ORM1: variants seen among roughly 807,000 people sequenced by gnomAD.
ORM1 encodes the protein orosomucoid 1.
A neutral mutation model predicts 26.9 loss-of-function variants in ORM1; 13 were observed. That is an observed-to-expected ratio of 0.48 (90% CI 0.31 to 0.77). The LOEUF (loss-of-function observed/expected upper bound fraction) is 0.77. Ranked by LOEUF, ORM1 falls within the 30% of genes least tolerant of loss-of-function variation. The pLI is 0.04. For missense variants in ORM1, 189 were observed against 246.8 expected (o/e 0.77, Z 1.57); for synonymous variants, 76 against 102.2 (o/e 0.74, Z 1.55).
At chr9:114,325,209 C>G in intron 5 of ORM1, 57 bp downstream of exon 5, 1 of 1,495,126 alleles carries the variant, frequency 6.7e-7, no homozygotes, top group Non-Finnish European at 9.3e-7. Flanking sequence ...TTGGGCAGCC[C>G]CAGAGGCCCA....
chr9:114,323,694 C>T lies in ORM1; in HGVS notation c.146C>T (p.Ala49Val), dbSNP rs1262840764. ...ITGKWFYIASAFRNEEYNKSV... is the reference protein window; with the variant it reads ...ITGKWFYIASVFRNEEYNKSV... ...GGCAAGTGGTTTTATATCGCATCGG[C>T]CTTTCGAAACGAGGAGTACAATAAG... Residue 49 changes from alanine to valine, a missense_variant, in exon 2 of 6, where the codon GCC becomes GTC. Physicochemically the swap from Ala to Val is moderately conservative, Grantham distance 64 (BLOSUM62 0). Coordinates refer to ENST00000259396, the MANE Select transcript of ORM1 (RefSeq NM_000607.4). 2 of 1,613,918 alleles carry T rather than the reference C, an allele frequency of 1.2e-6. No individual in the cohort carries two copies. Among genetic ancestry groups the T allele is most frequent in the Non-Finnish European group, 1.7e-6 (2 of 1,179,886 alleles).
At chr9:114,325,577 C>G (rs1235730369) in intron 5 of ORM1, among the ~76,000 whole-genome samples, 1 of 152,046 alleles carries the variant, frequency 6.6e-6, no homozygotes, top group Non-Finnish European at 1.5e-5. Context: ...GCAGCACGGC[C>G]ACAGTCACCA....
chr9:114,325,821 A>T (rs1415077155), intron 5 of ORM1, among the ~76,000 whole-genome samples: 1 of 152,092 alleles, frequency 6.6e-6, no homozygotes, highest in African/African-American at 2.4e-5. Flanking sequence ...AGTGGTGTGA[A>T]CTACCTCCTG....
intron 5 of ORM1, 51 bp downstream of exon 5, chr9:114,325,203 G>A (rs1392561571): frequency 6.4e-7 from 1 of 1,557,500 alleles, no homozygotes. Flanking sequence ...CCCAACTTGG[G>A]CAGCCCCAGA....
intron 5 of ORM1, among the ~76,000 whole-genome samples, chr9:114,325,831 G>GC (rs1259456566): frequency 6.6e-6 from 1 of 151,906 alleles, no homozygotes; most frequent in Non-Finnish European, 1.5e-5. Context: ...ACTACCTCCT[G>GC]CCCCCATCTG....
At chr9:114,325,232 T>A (rs55847216) in intron 5 of ORM1, 80 bp downstream of exon 5, 2 of 1,399,806 alleles carry the variant, frequency 1.4e-6, no homozygotes, top group South Asian at 2.4e-5. Context: ...GCAGGAGAGC[T>A]GCCAGGCAAG....
chr9:114,324,483 G>C (rs1829736757), intron 3 of ORM1, among the ~76,000 whole-genome samples: 1 of 152,206 alleles, frequency 6.6e-6, no homozygotes, highest in Non-Finnish European at 1.5e-5. Context: ...GCAGGGAGCT[G>C]ATGGAGCTGA....
At position 114,324,080 on chromosome 9, in the gene ORM1, C is replaced by A; in HGVS notation, c.320C>A (p.Ser107Tyr). Residue 107 changes from serine (S) to tyrosine (Y), a missense_variant, in exon 3 of 6, where the codon TCC becomes TAC. Physicochemically the swap from Ser to Tyr is moderately radical, Grantham distance 144 (BLOSUM62 -2). Transcript: ENST00000259396. Reference protein sequence around the residue: ...LNVQRENGTISRYVGGQEHFA... With the variant: ...LNVQRENGTIYRYVGGQEHFA... ...GTCCAGCGGGAAAATGGGACCATCT[C>A]CAGATACGGTGAGGGCCAGCCCTCA... The A allele has an allele frequency of 1.2e-6, 2 of 1,614,020 alleles. No individual in the cohort carries two copies. The highest frequency in any genetic ancestry group is 2.2e-5 in the South Asian group (2 of 91,078).
chr9:114,324,971 C>T lies in ORM1; in HGVS notation c.436+74C>T, dbSNP rs1829746902. On this transcript the variant is annotated intron_variant, in intron 4 of 5. Coordinates refer to ENST00000259396, the MANE Select transcript of ORM1 (RefSeq NM_000607.4). ...CCCCATTCACCCACCCCTGGGCTGG[C>T]CCCTAGAACCCCAGCCCTCCCTGGC... 8.9e-6 allele frequency: 14 copies of T among 1,580,182 alleles called. No individual in the cohort carries two copies. The South Asian group carries it at 1.4e-4, about 16-fold the overall frequency.
intron 5 of ORM1, among the ~76,000 whole-genome samples, chr9:114,325,897 C>T (rs1687385): frequency 0.041 from 6,188 of 151,674 alleles, 208 homozygotes; most frequent in South Asian, 0.068. Flanking sequence ...GTCAGCTCAC[C>T]TGATCCACAG....
At chr9:114,325,813 T>C (rs560577436) in intron 5 of ORM1, among the ~76,000 whole-genome samples, 1 of 151,840 alleles carries the variant, frequency 6.6e-6, no homozygotes, top group Admixed American at 6.6e-5. Context: ...TGACCACCAG[T>C]GGTGTGAACT....
Position 114,324,905 on chromosome 9 carries a change from T to C in ORM1, c.436+8T>C. ...GGGGGCTGTCTGTCTATGGTAGGCA[T>C]GCTTAGCAGCCCCAAACTCATGCCC... On this transcript the variant is annotated splice_region_variant and intron_variant, in intron 4 of 5. Coordinates refer to ENST00000259396, the MANE Select transcript of ORM1 (RefSeq NM_000607.4). The C allele has an allele frequency of 1.2e-6, 2 of 1,612,480 alleles. No homozygotes were observed. Among genetic ancestry groups the C allele is most frequent in the Non-Finnish European group, 1.7e-6 (2 of 1,178,530 alleles).
intron 3 of ORM1, 80 bp from the exon 4 acceptor site, chr9:114,324,710 C>T (rs1829740343): frequency 1.7e-6 from 2 of 1,179,462 alleles, no homozygotes; most frequent in South Asian, 1.4e-5. Flanking sequence ...GCCACTGACA[C>T]ACCTAGGCCT....
At chr9:114,325,815 G>T (rs532482857) in intron 5 of ORM1, among the ~76,000 whole-genome samples, 5 of 151,848 alleles carry the variant, frequency 3.3e-5, no homozygotes, top group Admixed American at 3.3e-4. Flanking sequence ...ACCACCAGTG[G>T]TGTGAACTAC....
chr9:114,324,700 G>C, intron 3 of ORM1, 90 bp from the exon 4 acceptor site: 1 of 1,054,778 alleles, frequency 9.5e-7, no homozygotes, highest in South Asian at 1.5e-5. Context: ...GGGCTGTGTG[G>C]CCACTGACAC....
chr9:114,325,017 G>T, intron 4 of ORM1, 32 bp from the exon 5 acceptor site: 1 of 1,609,068 alleles, frequency 6.2e-7, no homozygotes, highest in Non-Finnish European at 8.5e-7. Context: ...GCCCCACCAT[G>T]TCCCCAGTCA....
Position 114,324,773 on chromosome 9 carries a change from C to T in ORM1, c.329-17C>T, listed in dbSNP as rs769292694. On this transcript the variant is annotated splice_polypyrimidine_tract_variant and intron_variant, in intron 3 of 5. Transcript: ENST00000259396. ...GCCATCCCATGTTCTCACCCAGAGG[C>T]TCCTTTTCTCTTCCAGTGGGAGGCC... is the stretch of plus-strand genomic sequence containing the variant. 1.3e-6 allele frequency: 2 copies of T among 1,599,004 alleles called. No individual in the cohort carries two copies. The highest frequency in any genetic ancestry group is 1.7e-6 in the Non-Finnish European group (2 of 1,166,528).
Position 114,324,908 on chromosome 9 carries a change from T to G in ORM1, c.436+11T>G, listed in dbSNP as rs1829745422. ...GGCTGTCTGTCTATGGTAGGCATGC[T>G]TAGCAGCCCCAAACTCATGCCCCTC... is the stretch of plus-strand genomic sequence containing the variant. On this transcript the variant is annotated intron_variant, in intron 4 of 5. Transcript: ENST00000259396. 1.9e-6 allele frequency: 3 copies of G among 1,611,280 alleles called. No homozygotes were observed. The highest frequency in any genetic ancestry group is 2.7e-5 in the African/African-American group (2 of 74,964).
Position 114,325,097 on chromosome 9 carries a change from C to T in ORM1, c.485C>T (p.Ala162Val). Residue 162 changes from alanine (A) to valine (V), a missense_variant, in exon 5 of 6, where the codon GCT (alanine) becomes GTT (valine). Physicochemically the swap from Ala to Val is moderately conservative, Grantham distance 64. This residue lies in a region of ORM1 where 163 missense variants were observed against 157.7 expected (regional missense o/e 1.03). Transcript: ENST00000259396. ...GAGCAACTGGGAGAGTTCTACGAAG[C>T]TCTCGACTGCTTGCGCATTCCCAAG... ...TKEQLGEFYE[A>V]LDCLRIPKSD... The T allele has an allele frequency of 6.2e-7, 1 of 1,614,014 alleles. No individual in the cohort carries two copies. The highest frequency in any genetic ancestry group is 8.5e-7 in the Non-Finnish European group (1 of 1,179,882).
Sources: gnomAD v4.1 joint callset for allele counts (sites outside exome capture counted in the v4.1 genomes callset) on GRCh38, gnomAD v4.1.1 for gene constraint, gnomAD v4.1.1 regional missense constraint, MANE v1.5 for transcripts, NCBI Gene and HGNC (gene_info 2026-07-23, HGNC 2026-07-21) for gene names.